The following PARD3 variants were observed in gnomAD, a reference collection of about 807,000 sequenced individuals.
The protein encoded by PARD3 is partitioning defective 3 homolog.
Under a neutral mutation model 155.4 loss-of-function variants are expected in PARD3, and 75 were observed. That is an observed-to-expected ratio of 0.48 (90% CI 0.40 to 0.58). PARD3 has a LOEUF of 0.58. PARD3 is among the 20% of genes least tolerant of loss of function. The probability of loss-of-function intolerance (pLI) is 0.00; values close to 1 mark genes in which losing one functional copy is unlikely to be tolerated. For missense variants in PARD3, 1,642 were observed against 1,721.7 expected (o/e 0.95, Z 0.82); for synonymous variants, 576 against 610.5 (o/e 0.94, Z 0.83).
chr10:34,122,567 C>T (rs1022987672), intron 23 of PARD3, among the ~76,000 whole-genome samples: 1 of 152,168 alleles, frequency 6.6e-6, no homozygotes, highest in Non-Finnish European at 1.5e-5. Flanking sequence ...ACATTGGCTT[C>T]ACCATTAATA....
At chr10:34,377,775 C>A (rs1037978203) in intron 10 of PARD3, among the ~76,000 whole-genome samples, 192 bp downstream of exon 10, 4 of 151,572 alleles carry the variant, frequency 2.6e-5, no homozygotes, top group Admixed American at 6.6e-5. Flanking sequence ...AAAATTTTAA[C>A]AATTAAAAAA....
intron 22 of PARD3, among the ~76,000 whole-genome samples, chr10:34,185,119 C>T (rs1950428695): frequency 6.6e-6 from 1 of 152,228 alleles, no homozygotes; most frequent in Non-Finnish European, 1.5e-5. Context: ...CCACGGCTAT[C>T]ACTTTTAGGG....
At chr10:34,759,923 C>T (rs1837227254) in intron 1 of PARD3, among the ~76,000 whole-genome samples, 2 of 152,180 alleles carry the variant, frequency 1.3e-5, no homozygotes, top group Non-Finnish European at 2.9e-5. Flanking sequence ...GCTGAGAACA[C>T]TTATGAATCT....
At chr10:34,681,728 TTTTATATATATATATATATATATA>T (rs1371627683) in intron 2 of PARD3, among the ~76,000 whole-genome samples, 13 of 65,566 alleles carry the variant, frequency 2.0e-4, no homozygotes, top group African/African-American at 7.6e-4. Flanking sequence ...TACGTATGTA[TTTTATATATATATATATATATATA>T]TATATATATA....
rs183155853 is a variant in PARD3 at position 34,477,258 on chromosome 10, A to G, written c.404-6995T>C. Among the ~76,000 whole-genome samples, 1,200 of 152,334 alleles carry G rather than the reference A, an allele frequency of 7.9e-3. 9 individuals carry two copies. Among genetic ancestry groups the G allele is most frequent in the Admixed American group, 0.013 (201 of 15,304 alleles). On this transcript the variant is annotated intron_variant, in intron 3 of 24. Coordinates refer to ENST00000374788, the MANE Select transcript of PARD3 (RefSeq NM_001184785.2). ...AAACTGATGCATTTTAAAATATGAT[A>G]AAACTTTCTAATCCCATAATCTTCT...
chr10:34,580,334 AC>A (rs374298270), intron 2 of PARD3, among the ~76,000 whole-genome samples: 2 of 152,154 alleles, frequency 1.3e-5, no homozygotes, highest in African/African-American at 4.8e-5. Context: ...AGCCTAGGCA[AC>A]ATGACGAATC....
At chr10:34,720,586 T>C (rs2094589943) in intron 1 of PARD3, among the ~76,000 whole-genome samples, 1 of 151,010 alleles carries the variant, frequency 6.6e-6, no homozygotes, top group Admixed American at 6.6e-5. Context: ...TCACCTGAGG[T>C]CAGGAGTTCA....
intron 22 of PARD3, among the ~76,000 whole-genome samples, chr10:34,134,811 G>A (rs942480479): frequency 6.6e-6 from 1 of 152,188 alleles, no homozygotes; most frequent in Non-Finnish European, 1.5e-5. Flanking sequence ...AACAACAATT[G>A]GCAGTCTGAA....
chr10:34,528,679 G>A (rs543722797), intron 2 of PARD3, among the ~76,000 whole-genome samples: 3 of 152,276 alleles, frequency 2.0e-5, no homozygotes, highest in East Asian at 3.9e-4. Flanking sequence ...ATCAAGAGGG[G>A]AAGATGAAAG....
Position 34,620,285 on chromosome 10 carries a change from C to T in PARD3, c.222+76033G>A, listed in dbSNP as rs142984838. ...CCACTGGTAGCCAAAGCAGTGAAACCCACGCCCATTTGTGATCCCAGATCC... is the reference window on the plus strand; with the variant it reads ...CCACTGGTAGCCAAAGCAGTGAAACTCACGCCCATTTGTGATCCCAGATCC... On this transcript the variant is annotated intron_variant, in intron 2 of 24. Transcript: ENST00000374788. 2.6e-5 allele frequency among the ~76,000 whole-genome samples: 4 copies of T among 152,214 alleles called. No individual in the cohort carries two copies. In the East Asian group the frequency reaches 7.7e-4, roughly 29 times the overall value.
chr10:34,438,783 G>T (rs1367887212), intron 5 of PARD3, among the ~76,000 whole-genome samples: 1 of 152,188 alleles, frequency 6.6e-6, no homozygotes, highest in South Asian at 2.1e-4. Flanking sequence ...GGTGAGCAAA[G>T]AGACAATAAC....
At chr10:34,496,304 T>C (rs1261128173) in intron 3 of PARD3, among the ~76,000 whole-genome samples, 1 of 151,974 alleles carries the variant, frequency 6.6e-6, no homozygotes, top group Non-Finnish European at 1.5e-5. Context: ...ATGAACTGTA[T>C]ACCTCAGAGT....
chr10:34,173,848 A>T (rs1274575236), intron 22 of PARD3, among the ~76,000 whole-genome samples: 1 of 152,142 alleles, frequency 6.6e-6, no homozygotes, highest in Non-Finnish European at 1.5e-5. Context: ...CAAATGCCCA[A>T]GGCAAATGAA....
chr10:34,705,203 C>T (rs1291233286), intron 1 of PARD3, among the ~76,000 whole-genome samples: 1 of 152,190 alleles, frequency 6.6e-6, no homozygotes, highest in East Asian at 1.9e-4. Flanking sequence ...GTAGCTCACG[C>T]CTGTAATCCC....
intron 2 of PARD3, among the ~76,000 whole-genome samples, chr10:34,535,999 A>C (rs1220846341): frequency 6.6e-6 from 1 of 152,090 alleles, no homozygotes; most frequent in African/African-American, 2.4e-5. Flanking sequence ...AGTGTTGTTA[A>C]AAAAAACTGA....
intron 2 of PARD3, among the ~76,000 whole-genome samples, chr10:34,657,211 A>G (rs1320750249): frequency 2.0e-5 from 3 of 152,110 alleles, no homozygotes; most frequent in Admixed American, 6.5e-5. Context: ...CCTGGGCAAC[A>G]GAGGAGATCC....
intron 2 of PARD3, among the ~76,000 whole-genome samples, chr10:34,523,050 T>C (rs1212573552): frequency 6.6e-6 from 1 of 152,224 alleles, no homozygotes; most frequent in Non-Finnish European, 1.5e-5. Context: ...ATTAATGCAA[T>C]TTTGATGACA....
intron 15 of PARD3, chr10:34,344,441 T>A: frequency 1.9e-6 from 1 of 522,812 alleles, no homozygotes; most frequent in Non-Finnish European, 2.5e-6. Context: ...CAACACAACA[T>A]CCGGCTAATT....
chr10:34,766,603 A>C (rs114199378), intron 1 of PARD3, among the ~76,000 whole-genome samples: 248 of 147,120 alleles, frequency 1.7e-3, no homozygotes, highest in African/African-American at 5.8e-3. Flanking sequence ...AATATTTTTA[A>C]AATACTTAAT....
Sources: allele counts gnomAD v4.1 joint callset (sites outside exome capture counted in the v4.1 genomes callset), GRCh38; gene constraint gnomAD v4.1.1; transcripts MANE v1.5; gene names NCBI Gene and HGNC (gene_info 2026-07-23, HGNC 2026-07-21).